NAV3: variants seen among roughly 807,000 people sequenced by gnomAD.
NAV3 encodes the protein pore membrane and/or filament interacting like protein 1.
A neutral mutation model predicts 244.7 loss-of-function variants in NAV3; 87 were observed. That is an observed-to-expected ratio of 0.36 (90% CI 0.30 to 0.42). The LOEUF is 0.42. Ranked by LOEUF, NAV3 falls within the 20% of genes least tolerant of loss-of-function variation. The pLI is 1.00. For synonymous variants in NAV3, 1,126 were observed against 1,042.2 expected, an observed-to-expected ratio of 1.08 and a Z score of -1.55; for missense variants, 2,663 against 2,893.3, an observed-to-expected ratio of 0.92 and a Z score of 1.83.
intron 2 of NAV3, among the ~76,000 whole-genome samples, chr12:77,817,554 C>G (rs1872570515): frequency 7.0e-6 from 1 of 143,778 alleles, no homozygotes; most frequent in African/African-American, 2.5e-5. Context: ...TTTTTTTAAA[C>G]TGCAGATGCA....
chr12:78,047,054 C>T (rs2137171015), intron 9 of NAV3, among the ~76,000 whole-genome samples: 1 of 152,074 alleles, frequency 6.6e-6, no homozygotes, highest in East Asian at 1.9e-4. Context: ...GAATTGTAAC[C>T]CCTGCTTTTA....
At chr12:77,936,182 A>C (rs992182909) in intron 1 of NAV3, among the ~76,000 whole-genome samples, 3 of 152,228 alleles carry the variant, frequency 2.0e-5, no homozygotes, top group African/African-American at 7.2e-5. Context: ...GCTATTGCAT[A>C]ATAGGCCCCA....
At chr12:78,053,439 T>C (rs1423338075) in intron 11 of NAV3, among the ~76,000 whole-genome samples, 2 of 152,116 alleles carry the variant, frequency 1.3e-5, no homozygotes, top group African/African-American at 2.4e-5. Flanking sequence ...AACTGATCAA[T>C]ACATAAACTT....
intron 2 of NAV3, among the ~76,000 whole-genome samples, chr12:77,817,712 T>A (rs903978255): frequency 2.6e-5 from 4 of 152,174 alleles, no homozygotes; most frequent in African/African-American, 9.7e-5. Flanking sequence ...TTATGTACAC[T>A]GTAGCAGTTA....
At chr12:77,935,913 A>G (rs891287216) in intron 1 of NAV3, among the ~76,000 whole-genome samples, 1 of 152,218 alleles carries the variant, frequency 6.6e-6, no homozygotes, top group Non-Finnish European at 1.5e-5. Flanking sequence ...CTATCAGAAC[A>G]GCAAGGGAAG....
chr12:77,974,325 AG>A (rs993082504), intron 5 of NAV3, among the ~76,000 whole-genome samples: 5 of 152,058 alleles, frequency 3.3e-5, no homozygotes, highest in African/African-American at 1.2e-4. Context: ...TCTGTCACCC[AG>A]GCTGGAGTGC....
At chr12:78,084,467 T>C (rs745582572) in intron 12 of NAV3, among the ~76,000 whole-genome samples, 6 of 152,128 alleles carry the variant, frequency 3.9e-5, no homozygotes, top group Non-Finnish European at 8.8e-5. Context: ...TTTTTGTCTT[T>C]ACTATATCAT....
At chr12:77,789,536 C>T (rs1340481675) in intron 2 of NAV3, among the ~76,000 whole-genome samples, 2 of 149,942 alleles carry the variant, frequency 1.3e-5, no homozygotes, top group Admixed American at 6.7e-5. Flanking sequence ...CAACTGGGCG[C>T]AGTGGCTCAT....
In NAV3 at chr12:77,872,135, G is replaced by T. The variant is rs188618093; in HGVS notation, c.243+40431G>T. ...ACTTCACCCACTTTTTGATGGGGTTGTGTTTTTTTTCTTGTAAATTTGTTT... is the reference window on the plus strand; with the variant it reads ...ACTTCACCCACTTTTTGATGGGGTTTTGTTTTTTTTCTTGTAAATTTGTTT... On this transcript the variant is annotated intron_variant, in intron 1 of 39. Coordinates refer to ENST00000397909, the MANE Select transcript of NAV3 (RefSeq NM_001024383.2). Among the ~76,000 whole-genome samples the T allele has an allele frequency of 5.3e-5, 8 of 152,080 alleles. No individual in the cohort carries two copies. In the East Asian group the frequency reaches 1.5e-3, roughly 29 times the overall value.
chr12:78,210,788 G>A lies in NAV3; in HGVS notation c.*271G>A. On this transcript the variant is annotated 3_prime_UTR_variant, in exon 40 of 40. Transcript: ENST00000397909. Reference sequence around the variant, plus strand: ...CAACTGGAAAGGACCCTAATGACAGGGCAACTGAACAGATTGCACATGGGA... The same window carrying A: ...CAACTGGAAAGGACCCTAATGACAGAGCAACTGAACAGATTGCACATGGGA... The A allele has an allele frequency of 2.6e-6, 1 of 382,082 alleles. No individual in the cohort carries two copies. The highest frequency in any genetic ancestry group is 4.7e-6 in the Non-Finnish European group (1 of 210,728). The allele number at this position is 382,082 out of a possible 1,614,324, so 23.7% of individuals were successfully genotyped here.
chr12:77,661,749 T>C (rs2137039664), intron 2 of NAV3, among the ~76,000 whole-genome samples: 1 of 152,180 alleles, frequency 6.6e-6, no homozygotes, highest in Non-Finnish European at 1.5e-5. Flanking sequence ...TTCTAAGTGC[T>C]TTTTTCATAC....
At chr12:77,688,840 G>A (rs1874877096) in intron 2 of NAV3, among the ~76,000 whole-genome samples, 1 of 151,666 alleles carries the variant, frequency 6.6e-6, no homozygotes, top group Non-Finnish European at 1.5e-5. Context: ...TTATGTCTAA[G>A]TTCTCTGAAC....
At chr12:78,192,735 C>T (rs1959039585) in intron 34 of NAV3, among the ~76,000 whole-genome samples, 1 of 152,004 alleles carries the variant, frequency 6.6e-6, no homozygotes, top group African/African-American at 2.4e-5. Context: ...GAACAAATCA[C>T]AATAGCATTC....
At chr12:78,116,402 A>T (rs1475248103) in intron 12 of NAV3, among the ~76,000 whole-genome samples, 1 of 152,204 alleles carries the variant, frequency 6.6e-6, no homozygotes, top group Non-Finnish European at 1.5e-5. Context: ...TAGAACAAAG[A>T]ATAAATTTGT....
chr12:77,726,277 T>C (rs1375009977), intron 2 of NAV3, among the ~76,000 whole-genome samples: 2 of 151,994 alleles, frequency 1.3e-5, no homozygotes, highest in Non-Finnish European at 2.9e-5. Context: ...TCAGTGAATA[T>C]CTTTTTCACA....
At chr12:78,066,151 A>G (rs1212422499) in intron 12 of NAV3, among the ~76,000 whole-genome samples, 2 of 152,074 alleles carry the variant, frequency 1.3e-5, no homozygotes, top group East Asian at 3.9e-4. Flanking sequence ...TCAAAAAGTC[A>G]GCTGCCTATG....
intron 3 of NAV3, among the ~76,000 whole-genome samples, chr12:77,953,464 T>C (rs1487932455): frequency 6.6e-6 from 1 of 152,182 alleles, no homozygotes; most frequent in Non-Finnish European, 1.5e-5. Flanking sequence ...ATTGTGTAAA[T>C]TGTAATACCA....
intron 30 of NAV3, 152 bp from the exon 31 acceptor site, chr12:78,185,449 C>G (rs1227762867): frequency 6.7e-6 from 4 of 596,992 alleles, no homozygotes; most frequent in African/African-American, 1.9e-5. Flanking sequence ...AATTCATCTT[C>G]TGGAAAGCTG....
At position 78,197,220 on chromosome 12, in the gene NAV3, G is replaced by T. The variant is rs200694819; in HGVS notation, c.6292-27G>T. The stretch of plus-strand genomic sequence containing the variant: ...CTATTAGTATAAATTTATCACTGAC[G>T]TATCTGTTTTCTTCATTTTTTAAAA... On this transcript the variant is annotated intron_variant, in intron 34 of 39. Transcript: ENST00000397909. 17 of 1,484,010 alleles carry T rather than the reference G, an allele frequency of 1.1e-5. No individual in the cohort carries two copies. The African/African-American group carries it at 2.0e-4, about 17-fold the overall frequency. The allele number at this position is 1,484,010 out of a possible 1,614,324, so 91.9% of individuals were successfully genotyped here.
Sources: allele counts gnomAD v4.1 joint callset (sites outside exome capture counted in the v4.1 genomes callset), GRCh38; gene constraint gnomAD v4.1.1; transcripts MANE v1.5; gene names NCBI Gene and HGNC (gene_info 2026-07-23, HGNC 2026-07-21).